The following PLEKHA2 variants were observed in gnomAD, a reference collection of about 807,000 sequenced individuals.
PLEKHA2 encodes pleckstrin homology domain-containing family A member 2.
Under a neutral mutation model 53.2 loss-of-function variants are expected in PLEKHA2, and 28 were observed. The ratio of observed to expected loss-of-function variants is 0.53; its 90% CI spans 0.39 to 0.72. The LOEUF (loss-of-function observed/expected upper bound fraction) is 0.72. Among genes scored for constraint, PLEKHA2 ranks in the 30% least tolerant of loss-of-function variants. PLEKHA2 has a pLI of 0.00. For missense variants in PLEKHA2, 426 were observed against 537.9 expected, an observed-to-expected ratio of 0.79 and a Z score of 2.06; for synonymous variants, 193 against 196.4, an observed-to-expected ratio of 0.98 and a Z score of 0.14.
At chr8:38,965,141 ATAG>A (rs1305886576) in intron 10 of PLEKHA2, among the ~76,000 whole-genome samples, 1 of 152,188 alleles carries the variant, frequency 6.6e-6, no homozygotes, top group Non-Finnish European at 1.5e-5. Context: ...TCCAAGAATA[ATAG>A]TGGTATTTTG....
intron 3 of PLEKHA2, among the ~76,000 whole-genome samples, chr8:38,942,550 G>A (rs181940827): frequency 6.6e-6 from 1 of 152,298 alleles, no homozygotes. Flanking sequence ...GGAGGGGGAT[G>A]GAGAGAATGG....
At position 38,947,398 on chromosome 8, in the gene PLEKHA2, C is replaced by T. The variant is rs143637574; in HGVS notation, c.345+1177C>T. Among the ~76,000 whole-genome samples the T allele has an allele frequency of 6.4e-3, 969 of 151,852 alleles. 15 individuals are homozygous for T. The highest frequency in any genetic ancestry group is 0.021 in the African/African-American group (881 of 41,382). ...CTGGGAGGCAGAGGTTGCAGTGAGC[C>T]GAGATCGTGCCATTGCATTCCAGCC... On this transcript the variant is annotated intron_variant, in intron 5 of 11. Transcript: ENST00000617275.
chr8:38,916,656 T>G (rs1834068375), intron 1 of PLEKHA2, among the ~76,000 whole-genome samples: 1 of 152,238 alleles, frequency 6.6e-6, no homozygotes, highest in South Asian at 2.1e-4. Context: ...CACATTTTCT[T>G]TATTCATTCA....
chr8:38,919,479 A>C (rs1478429403), intron 2 of PLEKHA2, among the ~76,000 whole-genome samples: 1 of 152,188 alleles, frequency 6.6e-6, no homozygotes, highest in Admixed American at 6.5e-5. Context: ...GTCACAGGTC[A>C]TGGCTGTGTT....
chr8:38,955,661 C>G (rs7007701), intron 9 of PLEKHA2, among the ~76,000 whole-genome samples: 6,429 of 152,306 alleles, frequency 0.042, 460 homozygotes, highest in African/African-American at 0.15. Context: ...GTCTCATGCA[C>G]TCCTTTGCCC....
chr8:38,929,495 G>C (rs1016511338), intron 2 of PLEKHA2, among the ~76,000 whole-genome samples: 10 of 152,360 alleles, frequency 6.6e-5, no homozygotes, highest in African/African-American at 2.2e-4. Context: ...AAGTGCATGG[G>C]ATTTGGGAAT....
intron 2 of PLEKHA2, among the ~76,000 whole-genome samples, chr8:38,920,945 C>T (rs533181328): frequency 3.3e-5 from 5 of 152,166 alleles, no homozygotes; most frequent in East Asian, 3.9e-4. Flanking sequence ...GGATTACAGG[C>T]GTCAGCCACC....
At chr8:38,923,604 T>A (rs972047463) in intron 2 of PLEKHA2, among the ~76,000 whole-genome samples, 41 of 152,208 alleles carry the variant, frequency 2.7e-4, no homozygotes, top group Admixed American at 2.7e-3. Flanking sequence ...TTACTAAATT[T>A]GTTCAGCGTG....
Position 38,970,433 on chromosome 8 carries a change from T to G in PLEKHA2, c.*650T>G, listed in dbSNP as rs1201053480. 1 of 158,302 alleles carries G rather than the reference T, an allele frequency of 6.3e-6. No homozygotes were observed. Among genetic ancestry groups the G allele is most frequent in the Non-Finnish European group, 1.4e-5 (1 of 72,220 alleles). 9.8% of individuals were successfully genotyped at this position (158,302 alleles called of 1,614,324 possible). On this transcript the variant is annotated 3_prime_UTR_variant, in exon 12 of 12. Transcript: ENST00000617275. ...TATATATTTTTAATGAAATAGAAGC[T>G]TGGCATAGAAACATTGATTTAGATG... is the stretch of plus-strand genomic sequence containing the variant.
chr8:38,965,299 C>T (rs1162217242), intron 10 of PLEKHA2, among the ~76,000 whole-genome samples: 2 of 152,158 alleles, frequency 1.3e-5, no homozygotes, highest in Non-Finnish European at 2.9e-5. Context: ...GGAGGCAGTA[C>T]TTCAAAGCGC....
chr8:38,958,330 A>AAG (rs397955030), intron 10 of PLEKHA2, among the ~76,000 whole-genome samples: 10 of 151,308 alleles, frequency 6.6e-5, no homozygotes, highest in Non-Finnish European at 1.2e-4. Flanking sequence ...CTCAAAAAAA[A>AAG]GGGAAACAAA....
At chr8:38,917,203 AT>A (rs1834076880) in intron 1 of PLEKHA2, among the ~76,000 whole-genome samples, 1 of 151,690 alleles carries the variant, frequency 6.6e-6, no homozygotes, top group Non-Finnish European at 1.5e-5. Flanking sequence ...TAATTTGCCG[AT>A]TTTTCTCCCA....
intron 1 of PLEKHA2, among the ~76,000 whole-genome samples, chr8:38,905,228 G>T (rs150666487): frequency 1.2e-3 from 179 of 152,158 alleles, no homozygotes; most frequent in African/African-American, 4.2e-3. Flanking sequence ...AGGCTGAGGT[G>T]GGGGGGATCA....
chr8:38,934,189 G>C (rs1024352725), intron 2 of PLEKHA2, among the ~76,000 whole-genome samples: 1 of 151,876 alleles, frequency 6.6e-6, no homozygotes, highest in African/African-American at 2.4e-5. Flanking sequence ...TTATAGAGAC[G>C]GCGTTTCACT....
rs376105680 is a variant in PLEKHA2 at position 38,952,243 on chromosome 8, G to C, written c.564G>C (p.Thr188=). 1 of 1,612,678 alleles carries C rather than the reference G, an allele frequency of 6.2e-7. No homozygotes were observed. Residue 188 remains threonine, a synonymous_variant, in exon 7 of 12, where the codon ACG becomes ACC. Coordinates refer to ENST00000617275, the MANE Select transcript of PLEKHA2 (RefSeq NM_021623.2). ...GAAGGTCTCAGAGTTACATCCCCAC[G>C]TCAGGCTGCCGTGCTTCCACTGGGC... is the stretch of plus-strand genomic sequence containing the variant. The part of the protein sequence containing the change: ...ILRRSQSYIP[T]SGCRASTGPP...
At chr8:38,914,236 G>C (rs1017734301) in intron 1 of PLEKHA2, among the ~76,000 whole-genome samples, 4 of 152,246 alleles carry the variant, frequency 2.6e-5, no homozygotes, top group Non-Finnish European at 5.9e-5. Flanking sequence ...CAGTCCCCCT[G>C]ACCTCACCTG....
chr8:38,920,403 C>G (rs954340938), intron 2 of PLEKHA2, among the ~76,000 whole-genome samples: 2 of 152,098 alleles, frequency 1.3e-5, no homozygotes, highest in Non-Finnish European at 2.9e-5. Context: ...ATCTGCCCAC[C>G]TTGGCCTCCC....
intron 10 of PLEKHA2, among the ~76,000 whole-genome samples, chr8:38,958,716 G>A (rs1021375249): frequency 6.6e-6 from 1 of 152,162 alleles, no homozygotes. Context: ...CAGGGACAAG[G>A]TTTAACCTGT....
intron 10 of PLEKHA2, among the ~76,000 whole-genome samples, chr8:38,968,088 T>C (rs1295238449): frequency 6.6e-6 from 1 of 152,162 alleles, no homozygotes; most frequent in Non-Finnish European, 1.5e-5. Context: ...GCAATACATA[T>C]CTTAGAGGAT....
Sources: allele counts gnomAD v4.1 joint callset (sites outside exome capture counted in the v4.1 genomes callset), GRCh38; gene constraint gnomAD v4.1.1; transcripts MANE v1.5; gene names NCBI Gene and HGNC (gene_info 2026-07-23, HGNC 2026-07-21).